The following PTCHD4 variants were observed in gnomAD, a reference collection of about 807,000 sequenced individuals.
PTCHD4 encodes the protein patched domain containing 4, also known as patched domain-containing protein 4.
Under a neutral mutation model 58.1 loss-of-function variants are expected in PTCHD4, and 33 were observed. The observed-to-expected ratio is 0.57, with a 90% CI of 0.43 to 0.76. The LOEUF (loss-of-function observed/expected upper bound fraction) is 0.76, where lower values mean the gene tolerates loss of function less well. Ranked by LOEUF, PTCHD4 falls within the 30% of genes least tolerant of loss-of-function variation. The probability of loss-of-function intolerance (pLI) is 0.00; values close to 1 mark genes in which losing one functional copy is unlikely to be tolerated. For synonymous variants in PTCHD4, 478 were observed against 409.6 expected (o/e 1.17, Z -2.02); for missense variants, 1,058 against 1,027.1 (o/e 1.03, Z -0.41).
chr6:48,012,830 T>A (rs1762728877), intron 3 of PTCHD4, among the ~76,000 whole-genome samples: 1 of 152,150 alleles, frequency 6.6e-6, no homozygotes, highest in Admixed American at 6.5e-5. Context: ...ATTGAGATAA[T>A]CATGTGGTTT....
rs544391502 is a variant in PTCHD4, at chr6:48,079,238, C to T, written c.-969-9312G>A. On this transcript the variant is annotated intron_variant, in intron 1 of 4. Coordinates refer to ENST00000339488, the MANE Select transcript of PTCHD4 (RefSeq NM_001384253.1). ...GTTACTGTACCCAGAGAGAAACCTG[C>T]TTATTAAGGATGAGTTTCTCATTAA... Among the ~76,000 whole-genome samples, 6 of 152,102 alleles carry T rather than the reference C, an allele frequency of 3.9e-5. No homozygotes were observed. In the East Asian group the frequency reaches 9.7e-4, roughly 25 times the overall value.
intron 3 of PTCHD4, among the ~76,000 whole-genome samples, chr6:48,064,103 A>G (rs1229697409): frequency 6.6e-6 from 1 of 152,164 alleles, no homozygotes; most frequent in Non-Finnish European, 1.5e-5. Flanking sequence ...TATTAATGGC[A>G]TATAATGGGA....
chr6:47,897,904 T>C (rs1764572874), intron 4 of PTCHD4, among the ~76,000 whole-genome samples: 1 of 151,626 alleles, frequency 6.6e-6, no homozygotes, highest in South Asian at 2.1e-4. Context: ...TTATTCTATA[T>C]CTGTTATCAT....
intron 3 of PTCHD4, among the ~76,000 whole-genome samples, chr6:48,041,707 G>T (rs577440685): frequency 6.6e-6 from 1 of 151,964 alleles, no homozygotes; most frequent in African/African-American, 2.4e-5. Context: ...CCTGTTGAGA[G>T]GGTCATGCAT....
chr6:48,032,736 T>C (rs763978171), intron 3 of PTCHD4, among the ~76,000 whole-genome samples: 7 of 152,164 alleles, frequency 4.6e-5, no homozygotes, highest in Non-Finnish European at 7.4e-5. Context: ...GGAAACTTTT[T>C]ATCTGTGGCA....
intron 4 of PTCHD4, among the ~76,000 whole-genome samples, chr6:47,979,134 T>C (rs1767793843): frequency 6.6e-6 from 1 of 152,120 alleles, no homozygotes; most frequent in Admixed American, 6.6e-5. Flanking sequence ...TAATCAATGG[T>C]GACATATAGT....
rs76821961 is a variant in PTCHD4 at position 47,970,137 on chromosome 6, A to T, written c.898+38497T>A. On this transcript the variant is annotated intron_variant, in intron 4 of 4. Transcript: ENST00000339488. The stretch of plus-strand genomic sequence containing the variant: ...AGTTTTCTTGTAGTCAAAGGAAGCT[A>T]CAAGAAGAGAAGGGAAAAACAAGAA... Among the ~76,000 whole-genome samples, 1,377 of 152,302 alleles carry T rather than the reference A, an allele frequency of 9.0e-3. 34 individuals carry two copies. Among genetic ancestry groups the T allele is most frequent in the African/African-American group, 0.032 (1,310 of 41,566 alleles).
In PTCHD4 at chr6:47,859,340, T is replaced by G. The variant is rs1763367867; in HGVS notation, c.*18963A>C. On this transcript the variant is annotated 3_prime_UTR_variant, in exon 5 of 5. Coordinates refer to ENST00000339488, the MANE Select transcript of PTCHD4 (RefSeq NM_001384253.1). ...GGAAACCATGTCTTTTGTTAAAGTT[T>G]AAGCTACTGATAAATATTTAAGGGA... Among the ~76,000 whole-genome samples the G allele has an allele frequency of 6.6e-6, 1 of 152,040 alleles. No homozygotes were observed. The highest frequency in any genetic ancestry group is 2.4e-5 in the African/African-American group (1 of 41,428).
At chr6:47,980,575 G>T (rs1344353684) in intron 4 of PTCHD4, among the ~76,000 whole-genome samples, 1 of 151,842 alleles carries the variant, frequency 6.6e-6, no homozygotes, top group African/African-American at 2.4e-5. Flanking sequence ...GATAGTTATT[G>T]AATTCTGTTG....
At chr6:47,902,193 C>T (rs1764730188) in intron 4 of PTCHD4, among the ~76,000 whole-genome samples, 1 of 152,088 alleles carries the variant, frequency 6.6e-6, no homozygotes, top group South Asian at 2.1e-4. Flanking sequence ...TTAAATGTTT[C>T]ATACACATCA....
chr6:47,974,375 G>A (rs1349064184), intron 4 of PTCHD4, among the ~76,000 whole-genome samples: 3 of 152,158 alleles, frequency 2.0e-5, no homozygotes, highest in Non-Finnish European at 4.4e-5. Flanking sequence ...CATGGACTTT[G>A]AGAGCTAGAA....
At chr6:48,074,047 G>A (rs1252978467) in intron 1 of PTCHD4, among the ~76,000 whole-genome samples, 2 of 152,038 alleles carry the variant, frequency 1.3e-5, no homozygotes, top group Non-Finnish European at 1.5e-5. Flanking sequence ...AAGGAATGCT[G>A]GCTTGTGGGT....
At chr6:48,094,393 TGATA>T (rs1462901686) in intron 1 of PTCHD4, among the ~76,000 whole-genome samples, 1 of 152,108 alleles carries the variant, frequency 6.6e-6, no homozygotes, top group African/African-American at 2.4e-5. Flanking sequence ...TCTGCTGGGT[TGATA>T]GATAAGGGGA....
chr6:48,005,410 T>C (rs1762398013), intron 4 of PTCHD4, among the ~76,000 whole-genome samples: 2 of 152,246 alleles, frequency 1.3e-5, no homozygotes, highest in African/African-American at 4.8e-5. Flanking sequence ...GAGTTGGGCT[T>C]CTTTCCCTTA....
At position 47,890,874 on chromosome 6, in the gene PTCHD4, A is replaced by G. The variant is rs1764356225; in HGVS notation, c.899-10938T>C. On this transcript the variant is annotated intron_variant, in intron 4 of 4. Coordinates refer to ENST00000339488, the MANE Select transcript of PTCHD4 (RefSeq NM_001384253.1). Reference sequence around the variant, plus strand: ...AAATAGCCACTATCAGGAAGTTTTCAATTTTTTTCTCTGTACCTTCCATGC... The same window carrying G: ...AAATAGCCACTATCAGGAAGTTTTCGATTTTTTTCTCTGTACCTTCCATGC... 3.0e-6 allele frequency: 3 copies of G among 984,064 alleles called. No homozygotes were observed. The African/African-American group carries it at 5.3e-5, about 17-fold the overall frequency. 61.0% of individuals were successfully genotyped at this position (984,064 alleles called of 1,614,324 possible).
chr6:48,077,904 A>T lies in PTCHD4; in HGVS notation c.-969-7978T>A, dbSNP rs144878862. On this transcript the variant is annotated intron_variant, in intron 1 of 4. Coordinates refer to ENST00000339488, the MANE Select transcript of PTCHD4 (RefSeq NM_001384253.1). ...TACCATCAAAGACCACTGATCACAG[A>T]TCATCTTAACAGATATAATATTAAT... 2.1e-3 allele frequency among the ~76,000 whole-genome samples: 316 copies of T among 152,326 alleles called. 1 individual carries two copies. The highest frequency in any genetic ancestry group is 6.5e-3 in the African/African-American group (269 of 41,568).
chr6:47,989,013 C>T (rs1398387700), intron 4 of PTCHD4, among the ~76,000 whole-genome samples: 2 of 152,172 alleles, frequency 1.3e-5, no homozygotes, highest in Non-Finnish European at 1.5e-5. Flanking sequence ...TGGTTTTTCC[C>T]AAAAGCCTGA....
intron 4 of PTCHD4, among the ~76,000 whole-genome samples, chr6:47,939,819 C>T (rs918111138): frequency 6.6e-6 from 1 of 152,026 alleles, no homozygotes; most frequent in Non-Finnish European, 1.5e-5. Flanking sequence ...AAACAAAGAA[C>T]AAAATTCTTA....
intron 3 of PTCHD4, among the ~76,000 whole-genome samples, chr6:48,055,901 C>A (rs1764390571): frequency 1.3e-5 from 2 of 152,166 alleles, no homozygotes; most frequent in Non-Finnish European, 2.9e-5. Context: ...CGGAAAGACT[C>A]AGTTCCTGGG....
Sources: allele counts gnomAD v4.1 joint callset (sites outside exome capture counted in the v4.1 genomes callset), GRCh38; gene constraint gnomAD v4.1.1; transcripts MANE v1.5; gene names NCBI Gene and HGNC (gene_info 2026-07-23, HGNC 2026-07-21).